Variants in SMAD6 observed in about 807,000 individuals in gnomAD.
SMAD6 encodes MAD homolog 6.
In SMAD6, 103 loss-of-function variants were observed where a neutral mutation model predicts 39.4. The observed-to-expected ratio is 2.62, with a 90% confidence interval of 2.23 to 3.08. The LOEUF is 3.08. SMAD6 is among the 30% of genes most tolerant of loss of function. The pLI, the probability that SMAD6 is intolerant of heterozygous loss-of-function variation, is 0.00. For synonymous variants in SMAD6, 445 were observed against 353.3 expected, an observed-to-expected ratio of 1.26 and a Z score of -2.91; for missense variants, 1,104 against 742.9, an observed-to-expected ratio of 1.49 and a Z score of -5.65.
intron 3 of SMAD6, among the ~76,000 whole-genome samples, chr15:66,734,480 C>T (rs140349707): frequency 2.2e-4 from 33 of 152,262 alleles, no homozygotes; most frequent in Non-Finnish European, 4.0e-4. Flanking sequence ...CCTTTTTAGT[C>T]GGAGAGGCCC....
At chr15:66,722,488 AT>A (rs1893451168) in intron 3 of SMAD6, among the ~76,000 whole-genome samples, 4 of 150,374 alleles carry the variant, frequency 2.7e-5, no homozygotes, top group Admixed American at 2.7e-4. Flanking sequence ...CACTCTGCCT[AT>A]CCCCAGGGGT....
chr15:66,775,972 C>T (rs903741067), intron 3 of SMAD6, among the ~76,000 whole-genome samples: 3 of 152,182 alleles, frequency 2.0e-5, no homozygotes, highest in African/African-American at 4.8e-5. Context: ...GGGGTGCCCA[C>T]CTTCTCACTC....
intron 3 of SMAD6, among the ~76,000 whole-genome samples, chr15:66,737,558 T>C (rs1390779455): frequency 5.3e-5 from 8 of 151,988 alleles, no homozygotes. Flanking sequence ...GTTGGGTGAG[T>C]GGGGTCCCGT....
rs1041085617 is a variant in SMAD6, at chr15:66,727,517, C to T, written c.952+11019C>T. ...CAGGCTTAAGCAGGGAAAGGGCATC[C>T]CAGCTTAGGAAACTGTTGGGCAAAG... is the stretch of plus-strand genomic sequence containing the variant. On this transcript the variant is annotated intron_variant, in intron 3 of 3. Transcript: ENST00000288840. Among the ~76,000 whole-genome samples the T allele has an allele frequency of 4.6e-5, 7 of 152,126 alleles. 1 individual carries two copies. In the South Asian group the frequency reaches 1.5e-3, roughly 32 times the overall value.
chr15:66,750,692 A>G (rs1893989269), intron 3 of SMAD6, among the ~76,000 whole-genome samples: 1 of 152,202 alleles, frequency 6.6e-6, no homozygotes, highest in Admixed American at 6.5e-5. Context: ...GGGCCAGTGT[A>G]GGTGGCATTA....
chr15:66,771,329 T>C (rs1894376060), intron 3 of SMAD6, among the ~76,000 whole-genome samples: 1 of 152,026 alleles, frequency 6.6e-6, no homozygotes, highest in Non-Finnish European at 1.5e-5. Flanking sequence ...GCAAGATGAG[T>C]TCATCTGTTC....
At position 66,781,164 on chromosome 15, in the gene SMAD6, G is replaced by C. The variant is rs1448463416; in HGVS notation, c.1120G>C (p.Glu374Gln). The change falls in exon 4 of 4, where the codon GAG (glutamate) becomes CAG (glutamine). Residue 374 changes from glutamate to glutamine, a missense_variant. Physicochemically the swap from Glu to Gln is conservative, Grantham distance 29. Coordinates refer to ENST00000288840, the MANE Select transcript of SMAD6 (RefSeq NM_005585.5). Reference sequence around the variant, plus strand: ...CTTCTGCCTGGGCCAGCTCAACCTGGAGCAGCGCAGCGAGTCGGTGCGGCG... The same window carrying C: ...CTTCTGCCTGGGCCAGCTCAACCTGCAGCAGCGCAGCGAGTCGGTGCGGCG... The part of the protein sequence containing the change: ...SGFCLGQLNL[E>Q]QRSESVRRTR... 1.9e-6 allele frequency: 3 copies of C among 1,608,006 alleles called. No individual in the cohort carries two copies. The East Asian group carries it at 6.7e-5, about 36-fold the overall frequency.
At chr15:66,744,208 CGAAAAAACAAAAACCGCGGCTCT>C (rs1429061286) in intron 3 of SMAD6, among the ~76,000 whole-genome samples, 1 of 152,014 alleles carries the variant, frequency 6.6e-6, no homozygotes, top group African/African-American at 2.4e-5. Flanking sequence ...CAGAAAGAGT[CGAAAAAACAAAAACCGCGGCTCT>C]GGGAGCGACT....
intron 3 of SMAD6, among the ~76,000 whole-genome samples, chr15:66,748,689 G>A (rs1713948536): frequency 6.6e-6 from 1 of 152,138 alleles, no homozygotes; most frequent in Non-Finnish European, 1.5e-5. Flanking sequence ...TTTCAGGGGA[G>A]GGAGTTCCTA....
At chr15:66,756,293 G>A (rs1183465475) in intron 3 of SMAD6, among the ~76,000 whole-genome samples, 2 of 151,932 alleles carry the variant, frequency 1.3e-5, no homozygotes, top group Admixed American at 1.3e-4. Context: ...TTTGGAAACG[G>A]AGCCCTTTGC....
intron 3 of SMAD6, among the ~76,000 whole-genome samples, chr15:66,731,554 A>G (rs1402055251): frequency 6.6e-6 from 1 of 152,206 alleles, no homozygotes; most frequent in East Asian, 1.9e-4. Flanking sequence ...TTTCCAGACC[A>G]TCTTCCAAAT....
At chr15:66,775,912 G>A (rs533922810) in intron 3 of SMAD6, among the ~76,000 whole-genome samples, 1 of 152,344 alleles carries the variant, frequency 6.6e-6, no homozygotes, top group Admixed American at 6.5e-5. Context: ...AGGCACAGGG[G>A]GAGGGGGCTG....
intron 3 of SMAD6, 138 bp downstream of exon 3, chr15:66,716,636 G>T (rs552956418): frequency 5.5e-5 from 39 of 711,118 alleles, no homozygotes; most frequent in Admixed American, 3.3e-4. Context: ...GGATGGGAAG[G>T]TTGCCAATGT....
chr15:66,711,792 C>A, intron 2 of SMAD6, 68 bp downstream of exon 2: 2 of 1,310,158 alleles, frequency 1.5e-6, no homozygotes, highest in Non-Finnish European at 2.2e-6. Context: ...AGCCCAGTGT[C>A]TGTCCAGCCT....
rs1363576646 is a variant in SMAD6, at chr15:66,781,454, G to T, written c.1410G>T (p.Lys470Asn). ...ACAGCGTCCGCATCAGCTTCGCCAA[G>T]GGCTGGGGGCCCTGCTACTCCCGGC... ...DPNSVRISFA[K>N]GWGPCYSRQF... Residue 470 changes from lysine to asparagine, a missense_variant, in exon 4 of 4, where the codon AAG (lysine) becomes AAT (asparagine). By Grantham distance (94) the Lys-to-Asn change is moderately conservative (BLOSUM62 0). Coordinates refer to ENST00000288840, the MANE Select transcript of SMAD6 (RefSeq NM_005585.5). 1.2e-6 allele frequency: 2 copies of T among 1,604,366 alleles called. No homozygotes were observed. Among genetic ancestry groups the T allele is most frequent in the Non-Finnish European group, 8.5e-7 (1 of 1,177,790 alleles).
At position 66,703,046 on chromosome 15, in the gene SMAD6, G is replaced by A. The variant is rs1381847207; in HGVS notation, c.-213G>A. 2.5e-6 allele frequency: 1 copy of A among 400,666 alleles called. No homozygotes were observed. The highest frequency in any genetic ancestry group is 3.7e-5 in the East Asian group (1 of 26,920). 24.8% of individuals were successfully genotyped at this position (400,666 alleles called of 1,614,324 possible). On this transcript the variant is annotated 5_prime_UTR_variant, in exon 1 of 4. Coordinates refer to ENST00000288840, the MANE Select transcript of SMAD6 (RefSeq NM_005585.5). Reference sequence around the variant, plus strand: ...CCGCGCGCGGACTGCGGCTCGGCGTGCGCGTGTTCCCGGCCGTCCCGCCTC... The same window carrying A: ...CCGCGCGCGGACTGCGGCTCGGCGTACGCGTGTTCCCGGCCGTCCCGCCTC...
intron 3 of SMAD6, among the ~76,000 whole-genome samples, chr15:66,735,416 A>G (rs952157234): frequency 6.6e-6 from 1 of 152,194 alleles, no homozygotes; most frequent in African/African-American, 2.4e-5. Flanking sequence ...GTAGGGGGAA[A>G]TGATGTGAGG....
Position 66,703,324 on chromosome 15 carries a change from G to C in SMAD6, c.66G>C (p.Arg22=). 1 of 1,486,504 alleles carries C rather than the reference G, an allele frequency of 6.7e-7. No homozygotes were observed. Among genetic ancestry groups the C allele is most frequent in the Non-Finnish European group, 9.0e-7 (1 of 1,117,150 alleles). The allele number at this position is 1,486,504 out of a possible 1,614,324, so 92.1% of individuals were successfully genotyped here. Residue 22 remains arginine (R), a synonymous_variant, in exon 1 of 4, where the codon CGG becomes CGC. Transcript: ENST00000288840. ...RLWRSRVVPD[R]EEGGSGGGGG... ...GGCGAAGTCGTGTGGTCCCCGACCG[G>C]GAGGAAGGCGGCAGCGGCGGCGGCG... is the stretch of plus-strand genomic sequence containing the variant.
intron 2 of SMAD6, 119 bp from the exon 3 acceptor site, chr15:66,716,302 T>C: frequency 1.3e-6 from 1 of 745,004 alleles, no homozygotes; most frequent in Non-Finnish European, 2.4e-6. Flanking sequence ...AGGGACATGC[T>C]GCCCTTTGCA....
Sources: allele counts gnomAD v4.1 joint callset (sites outside exome capture counted in the v4.1 genomes callset), GRCh38; gene constraint gnomAD v4.1.1; transcripts MANE v1.5; gene names NCBI Gene and HGNC (gene_info 2026-07-23, HGNC 2026-07-21).